The following PLCB1 variants were observed in gnomAD, a reference collection of about 807,000 sequenced individuals.
PLCB1 encodes phospholipase C beta 1.
A neutral mutation model predicts 161.8 loss-of-function variants in PLCB1; 46 were observed. The observed-to-expected ratio is 0.28, with a 90% confidence interval of 0.22 to 0.36. PLCB1 has a LOEUF of 0.36. Among genes scored for constraint, PLCB1 ranks in the 10% least tolerant of loss-of-function variants. PLCB1 has a pLI of 1.00. For missense variants in PLCB1, 1,016 were observed against 1,472.5 expected, an observed-to-expected ratio of 0.69 and a Z score of 5.07; for synonymous variants, 517 against 503.7, an observed-to-expected ratio of 1.03 and a Z score of -0.35.
At position 8,884,417 on chromosome 20, in the gene PLCB1, T is replaced by C. The variant is rs1292872811; in HGVS notation, c.*2568T>C. ...GCTGTGTATTAAATTAGACTGTGTCTCTCTGATACCTTTACACTACTGAGA... is the reference window on the plus strand; with the variant it reads ...GCTGTGTATTAAATTAGACTGTGTCCCTCTGATACCTTTACACTACTGAGA... On this transcript the variant is annotated 3_prime_UTR_variant, in exon 32 of 32. Transcript: ENST00000338037. The C allele has an allele frequency of 6.6e-6, 1 of 152,644 alleles. No homozygotes were observed. The highest frequency in any genetic ancestry group is 2.4e-5 in the African/African-American group (1 of 41,466). The allele number at this position is 152,644 out of a possible 1,614,324, so 9.5% of individuals were successfully genotyped here.
At chr20:8,426,464 C>A (rs1040126725) in intron 3 of PLCB1, among the ~76,000 whole-genome samples, 19 of 152,280 alleles carry the variant, frequency 1.2e-4, no homozygotes, top group Admixed American at 8.5e-4. Context: ...GAATGGAAAA[C>A]AGAGGTTTCC....
intron 3 of PLCB1, among the ~76,000 whole-genome samples, chr20:8,605,597 T>A (rs1285411258): frequency 6.6e-6 from 1 of 150,632 alleles, no homozygotes; most frequent in African/African-American, 2.4e-5. Context: ...ATGTATTTTA[T>A]GTTTGGTGTT....
intron 10 of PLCB1, among the ~76,000 whole-genome samples, chr20:8,695,533 C>T (rs1990566033): frequency 6.6e-6 from 1 of 152,122 alleles, no homozygotes; most frequent in South Asian, 2.1e-4. Flanking sequence ...GAGACTCTGT[C>T]TCTAAACAAA....
intron 31 of PLCB1, among the ~76,000 whole-genome samples, chr20:8,879,256 A>G (rs933593435): frequency 6.6e-6 from 1 of 151,740 alleles, no homozygotes; most frequent in Middle Eastern, 3.4e-3. Flanking sequence ...GAATAGTGCT[A>G]TGATAAACAT....
At chr20:8,772,719 G>A (rs1982751836) in intron 26 of PLCB1, among the ~76,000 whole-genome samples, 1 of 152,006 alleles carries the variant, frequency 6.6e-6, no homozygotes, top group Non-Finnish European at 1.5e-5. Context: ...GATCACCTGA[G>A]GTTGGGAGTT....
At chr20:8,858,685 C>T (rs1051007440) in intron 31 of PLCB1, among the ~76,000 whole-genome samples, 1 of 151,980 alleles carries the variant, frequency 6.6e-6, no homozygotes, top group African/African-American at 2.4e-5. Flanking sequence ...GCTTCGAGTC[C>T]TAAAGGGAGA....
chr20:8,456,969 T>C (rs1334883951), intron 3 of PLCB1, among the ~76,000 whole-genome samples: 3 of 152,248 alleles, frequency 2.0e-5, no homozygotes, highest in Non-Finnish European at 4.4e-5. Flanking sequence ...TTTCAACATA[T>C]GAATTTTGGA....
intron 3 of PLCB1, among the ~76,000 whole-genome samples, chr20:8,407,019 AGT>A (rs1978814872): frequency 6.6e-6 from 1 of 152,200 alleles, no homozygotes; most frequent in Admixed American, 6.5e-5. Context: ...TTTAACTTTC[AGT>A]GTAACTTCTG....
chr20:8,202,472 C>T (rs146908431), intron 2 of PLCB1, among the ~76,000 whole-genome samples: 15 of 152,306 alleles, frequency 9.8e-5, no homozygotes, highest in Non-Finnish European at 1.8e-4. Context: ...TTTATGTGTA[C>T]ACACATATGT....
intron 3 of PLCB1, among the ~76,000 whole-genome samples, chr20:8,476,541 C>T (rs933571919): frequency 2.0e-5 from 3 of 152,190 alleles, no homozygotes; most frequent in African/African-American, 7.2e-5. Context: ...TTAAAACTAT[C>T]CTTTTATCAA....
intron 3 of PLCB1, among the ~76,000 whole-genome samples, chr20:8,417,990 G>A (rs912412143): frequency 1.2e-4 from 18 of 152,184 alleles, no homozygotes; most frequent in Non-Finnish European, 2.1e-4. Context: ...TTTACCTCTG[G>A]CTGGATTTCC....
chr20:8,535,882 C>T lies in PLCB1; in HGVS notation c.247-92412C>T, dbSNP rs142025477. On this transcript the variant is annotated intron_variant, in intron 3 of 31. Coordinates refer to ENST00000338037, the MANE Select transcript of PLCB1 (RefSeq NM_015192.4). ...CTTTAGTTGCAGGATCTCTCACTTACGGAAGCCCTTCAAAGGCCCTTACGG... is the reference window on the plus strand; with the variant it reads ...CTTTAGTTGCAGGATCTCTCACTTATGGAAGCCCTTCAAAGGCCCTTACGG... Among the ~76,000 whole-genome samples the T allele has an allele frequency of 2.0e-3, 308 of 152,172 alleles. 2 individuals carry two copies. The highest frequency in any genetic ancestry group is 1.8e-3 in the Non-Finnish European group (124 of 68,002).
intron 9 of PLCB1, among the ~76,000 whole-genome samples, chr20:8,676,101 G>A (rs999889490): frequency 6.6e-6 from 1 of 152,248 alleles, no homozygotes; most frequent in Non-Finnish European, 1.5e-5. Context: ...CGGGCGCGGC[G>A]GCTCCCGCCT....
At chr20:8,298,787 C>T (rs896058910) in intron 2 of PLCB1, among the ~76,000 whole-genome samples, 2 of 152,112 alleles carry the variant, frequency 1.3e-5, no homozygotes, top group African/African-American at 4.8e-5. Context: ...CTATTCAAAT[C>T]TCTGATGGTA....
At chr20:8,316,808 G>C (rs1490082921) in intron 2 of PLCB1, among the ~76,000 whole-genome samples, 5 of 152,088 alleles carry the variant, frequency 3.3e-5, no homozygotes, top group Non-Finnish European at 7.4e-5. Flanking sequence ...ATTCAAGGCA[G>C]ACCAGTTAGT....
rs116522092 is a variant in PLCB1, at chr20:8,721,607, C to T, written c.1514-747C>T. ...ATTATTTCTGATGGAGTTAGATTTC[C>T]AATCATGCTGATATTTAAGGACTTA... On this transcript the variant is annotated intron_variant, in intron 14 of 31. Coordinates refer to ENST00000338037, the MANE Select transcript of PLCB1 (RefSeq NM_015192.4). 4.2e-3 allele frequency among the ~76,000 whole-genome samples: 641 copies of T among 152,236 alleles called. 3 individuals are homozygous for T. The highest frequency in any genetic ancestry group is 0.015 in the African/African-American group (612 of 41,534).
intron 2 of PLCB1, among the ~76,000 whole-genome samples, chr20:8,336,497 G>A (rs936512558): frequency 3.3e-5 from 5 of 152,062 alleles, no homozygotes; most frequent in African/African-American, 1.2e-4. Context: ...CAATAGCATA[G>A]GCCAGCAGGT....
chr20:8,624,162 T>C (rs530734192), intron 3 of PLCB1, among the ~76,000 whole-genome samples: 80 of 152,316 alleles, frequency 5.3e-4, no homozygotes, highest in African/African-American at 1.6e-3. Context: ...TCCATCTCTT[T>C]CATTTCCAAC....
intron 2 of PLCB1, among the ~76,000 whole-genome samples, chr20:8,174,889 A>T (rs533854702): frequency 6.6e-6 from 1 of 152,162 alleles, no homozygotes; most frequent in Admixed American, 6.5e-5. Flanking sequence ...CCCTACAAAA[A>T]GTTAAAAATA....
Sources: gnomAD v4.1 joint callset for allele counts (sites outside exome capture counted in the v4.1 genomes callset) on GRCh38, gnomAD v4.1.1 for gene constraint, MANE v1.5 for transcripts, NCBI Gene and HGNC (gene_info 2026-07-23, HGNC 2026-07-21) for gene names.